SP4: variants seen among roughly 807,000 people sequenced by gnomAD.
SP4 encodes the protein transcription factor Sp4.
Under a neutral mutation model 72.8 loss-of-function variants are expected in SP4, and 19 were observed. The ratio of observed to expected loss-of-function variants is 0.26; its 90% confidence interval spans 0.18 to 0.38. The LOEUF (loss-of-function observed/expected upper bound fraction) is 0.38, where lower values mean the gene tolerates loss of function less well. SP4 is among the 10% of genes least tolerant of loss of function. SP4 has a pLI of 1.00. For missense variants in SP4, 1,008 were observed against 926.3 expected (o/e 1.09, Z -1.14); for synonymous variants, 395 against 333.1 (o/e 1.19, Z -2.02).
chr7:21,513,565 T>C lies in SP4; in HGVS notation c.*2296T>C, dbSNP rs923206132. 1 of 152,652 alleles carries C rather than the reference T, an allele frequency of 6.6e-6. No individual in the cohort carries two copies. The highest frequency in any genetic ancestry group is 2.4e-5 in the African/African-American group (1 of 41,476). The allele number at this position is 152,652 out of a possible 1,614,324, so 9.5% of individuals were successfully genotyped here. The stretch of plus-strand genomic sequence containing the variant: ...ATATATATTTTATCTATCATTATGC[T>C]ACACAATCAGTGCTATAAATTTTTT... On this transcript the variant is annotated 3_prime_UTR_variant, in exon 6 of 6. Transcript: ENST00000222584.
At chr7:21,485,540 G>A (rs1784792138) in intron 5 of SP4, among the ~76,000 whole-genome samples, 1 of 151,686 alleles carries the variant, frequency 6.6e-6, no homozygotes, top group African/African-American at 2.4e-5. Flanking sequence ...CTTAAACACT[G>A]TTATTTATTG....
rs59458328 is a variant in SP4, at chr7:21,469,540, A to AT, written c.1679-7520dup. Reference sequence around the variant, plus strand: ...TCCCTAAATGGCAAGTTTAGTTATAATTTTTTTTTTTTTTTTTTTGAGACG... The same window carrying AT: ...TCCCTAAATGGCAAGTTTAGTTATAATTTTTTTTTTTTTTTTTTTTGAGACG... On this transcript the variant is annotated intron_variant, in intron 3 of 5. Coordinates refer to ENST00000222584, the MANE Select transcript of SP4 (RefSeq NM_003112.5). Among the ~76,000 whole-genome samples the AT allele has an allele frequency of 2.3e-3, 291 of 127,440 alleles. 1 individual carries two copies. The highest frequency in any genetic ancestry group is 5.2e-3 in the East Asian group (24 of 4,576). 83.6% of individuals were successfully genotyped at this position (127,440 alleles called of 152,430 possible).
intron 3 of SP4, among the ~76,000 whole-genome samples, chr7:21,437,246 A>G (rs1169656246): frequency 6.6e-6 from 1 of 152,242 alleles, no homozygotes; most frequent in East Asian, 1.9e-4. Context: ...CATTTTAAAA[A>G]AGAACCGAGG....
intron 3 of SP4, among the ~76,000 whole-genome samples, chr7:21,458,350 G>A (rs1002317210): frequency 3.9e-5 from 6 of 152,056 alleles, no homozygotes; most frequent in African/African-American, 1.4e-4. Flanking sequence ...CTGCCATCAT[G>A]CCTGGCTAAT....
intron 5 of SP4, among the ~76,000 whole-genome samples, chr7:21,485,538 CTG>C (rs545868860): frequency 3.2e-4 from 49 of 152,014 alleles, no homozygotes; most frequent in African/African-American, 1.1e-3. Flanking sequence ...TACTTAAACA[CTG>C]TTATTTATTG....
At position 21,514,736 on chromosome 7, in the gene SP4, C is replaced by T. The variant is rs959417220; in HGVS notation, c.*3467C>T. On this transcript the variant is annotated 3_prime_UTR_variant, in exon 6 of 6. Coordinates refer to ENST00000222584, the MANE Select transcript of SP4 (RefSeq NM_003112.5). Reference sequence around the variant, plus strand: ...TGCCTGCAATAACAATTGCAAGTAACCTATTAAAAATTCCCTTGAGTTTAA... The same window carrying T: ...TGCCTGCAATAACAATTGCAAGTAATCTATTAAAAATTCCCTTGAGTTTAA... 4.6e-5 allele frequency: 7 copies of T among 152,026 alleles called. No individual in the cohort carries two copies. Among genetic ancestry groups the T allele is most frequent in the African/African-American group, 1.7e-4 (7 of 41,390 alleles). The allele number at this position is 152,026 out of a possible 1,614,324, so 9.4% of individuals were successfully genotyped here. A position where few individuals can be genotyped will look rare whatever the true frequency, so the allele number is the denominator to read the frequency against.
chr7:21,462,025 T>G (rs2128402599), intron 3 of SP4, among the ~76,000 whole-genome samples: 1 of 131,570 alleles, frequency 7.6e-6, no homozygotes, highest in African/African-American at 3.1e-5. Flanking sequence ...GTTTTAGTTT[T>G]AGTTTTTTTT....
chr7:21,481,669 C>G (rs1784692871), intron 4 of SP4, among the ~76,000 whole-genome samples: 1 of 152,158 alleles, frequency 6.6e-6, no homozygotes, highest in East Asian at 1.9e-4. Context: ...GAAGAGCCCA[C>G]TATGACCAGG....
Position 21,429,452 on chromosome 7 carries a change from A to T in SP4, c.287A>T (p.Gln96Leu). The change falls in exon 3 of 6, where the codon CAA becomes CTA. Residue 96 changes from glutamine (Q) to leucine (L), a missense_variant. Coordinates refer to ENST00000222584, the MANE Select transcript of SP4 (RefSeq NM_003112.5). ...QPQQLELVTT[Q>L]LAGNAWQLVA... is the part of the protein sequence containing the mutation. ...CAACAGCTAGAACTGGTAACAACGC[A>T]ACTTGCTGGAAACGCTTGGCAACTT... 1 of 1,614,194 alleles carries T rather than the reference A, an allele frequency of 6.2e-7. No homozygotes were observed. The highest frequency in any genetic ancestry group is 8.5e-7 in the Non-Finnish European group (1 of 1,180,040).
At chr7:21,430,936 C>T in intron 3 of SP4, 93 bp downstream of exon 3, 2 of 865,188 alleles carry the variant, frequency 2.3e-6, no homozygotes, top group Non-Finnish European at 3.6e-6. Context: ...ACGTAGACCT[C>T]TGAAGTAAAC....
chr7:21,434,573 T>C (rs190952707), intron 3 of SP4, among the ~76,000 whole-genome samples: 1 of 152,314 alleles, frequency 6.6e-6, no homozygotes, highest in Admixed American at 6.5e-5. Context: ...GTTTTGTTAT[T>C]GGGATTCTAA....
chr7:21,510,821 A>T (rs1414605560), intron 5 of SP4, among the ~76,000 whole-genome samples: 2 of 152,148 alleles, frequency 1.3e-5, no homozygotes, highest in African/African-American at 2.4e-5. Flanking sequence ...CAGGACTTAA[A>T]CTTCAGGTCT....
intron 3 of SP4, among the ~76,000 whole-genome samples, chr7:21,474,283 T>G (rs370742595): frequency 1.3e-5 from 2 of 152,160 alleles, no homozygotes; most frequent in African/African-American, 4.8e-5. Flanking sequence ...GTTATATAAA[T>G]GTTATGAGAA....
chr7:21,473,288 A>G (rs2128407954), intron 3 of SP4, among the ~76,000 whole-genome samples: 1 of 152,322 alleles, frequency 6.6e-6, no homozygotes, highest in African/African-American at 2.4e-5. Flanking sequence ...AGCCTAAAAG[A>G]TGACATTTTA....
At chr7:21,471,315 C>G (rs1784335807) in intron 3 of SP4, among the ~76,000 whole-genome samples, 1 of 152,102 alleles carries the variant, frequency 6.6e-6, no homozygotes, top group Non-Finnish European at 1.5e-5. Flanking sequence ...TAAGGGCTTG[C>G]ACTAGTGTAC....
chr7:21,456,782 T>C (rs567969076), intron 3 of SP4, among the ~76,000 whole-genome samples: 3 of 152,224 alleles, frequency 2.0e-5, no homozygotes, highest in Non-Finnish European at 4.4e-5. Context: ...ACAAGCCGCC[T>C]GTCAGTGATA....
chr7:21,466,584 C>G (rs1404881587), intron 3 of SP4, among the ~76,000 whole-genome samples: 1 of 152,146 alleles, frequency 6.6e-6, no homozygotes, highest in African/African-American at 2.4e-5. Context: ...TATTGGTTCA[C>G]AGATTGTACA....
At chr7:21,501,160 G>T (rs941402559) in intron 5 of SP4, among the ~76,000 whole-genome samples, 1 of 151,942 alleles carries the variant, frequency 6.6e-6, no homozygotes, top group Admixed American at 6.6e-5. Flanking sequence ...CTTAAGTTTC[G>T]ATTTCCCAAT....
At chr7:21,503,196 C>A (rs1173639293) in intron 5 of SP4, among the ~76,000 whole-genome samples, 1 of 152,040 alleles carries the variant, frequency 6.6e-6, no homozygotes, top group Non-Finnish European at 1.5e-5. Context: ...AGTTAGAAGT[C>A]GTTTTAACCT....
Sources: allele counts gnomAD v4.1 joint callset (sites outside exome capture counted in the v4.1 genomes callset), GRCh38; gene constraint gnomAD v4.1.1; transcripts MANE v1.5; gene names NCBI Gene and HGNC (gene_info 2026-07-23, HGNC 2026-07-21).